Variants in DCBLD1 observed in about 807,000 individuals in gnomAD.
DCBLD1 encodes the protein discoidin, CUB and LCCL domain containing 1, also known as discoidin, CUB and LCCL domain-containing protein 1.
Under a neutral mutation model 71.5 loss-of-function variants are expected in DCBLD1, and 57 were observed. That is an observed-to-expected ratio of 0.80 (90% CI 0.64 to 0.99). The LOEUF (loss-of-function observed/expected upper bound fraction) is 0.99, where lower values mean the gene tolerates loss of function less well. Ranked by LOEUF, DCBLD1 falls within the 50% of genes least tolerant of loss-of-function variation. The pLI is 0.00. For missense variants in DCBLD1, 891 were observed against 923.5 expected (o/e 0.96, Z 0.46); for synonymous variants, 380 against 363.8 (o/e 1.04, Z -0.51).
At chr6:117,562,245 CTT>C (rs1346992527) in intron 14 of DCBLD1, 3 of 207,278 alleles carry the variant, frequency 1.4e-5, no homozygotes, top group Non-Finnish European at 2.9e-5. Context: ...ATCAAAATGT[CTT>C]TATCTCATCT....
intron 1 of DCBLD1, among the ~76,000 whole-genome samples, chr6:117,487,552 A>C (rs1324252298): frequency 6.6e-6 from 1 of 152,166 alleles, no homozygotes; most frequent in Non-Finnish European, 1.5e-5. Flanking sequence ...TGAGCCTGGG[A>C]GACAGTGGTT....
At chr6:117,502,891 T>C (rs928861420) in intron 1 of DCBLD1, among the ~76,000 whole-genome samples, 9 of 152,206 alleles carry the variant, frequency 5.9e-5, no homozygotes, top group African/African-American at 2.2e-4. Context: ...AACTTGTAGG[T>C]TAATAGGTGA....
intron 14 of DCBLD1, among the ~76,000 whole-genome samples, chr6:117,556,215 A>G (rs1202863669): frequency 6.6e-6 from 1 of 152,078 alleles, no homozygotes; most frequent in African/African-American, 2.4e-5. Context: ...TCCTTTTTTA[A>G]AATATATTTT....
At chr6:117,554,875 G>A (rs1278722314) in intron 14 of DCBLD1, among the ~76,000 whole-genome samples, 1 of 143,668 alleles carries the variant, frequency 7.0e-6, no homozygotes, top group African/African-American at 2.6e-5. Context: ...CCTGGCAACA[G>A]AGCGAGACTC....
intron 1 of DCBLD1, among the ~76,000 whole-genome samples, chr6:117,489,880 G>A (rs559819748): frequency 4.3e-4 from 66 of 152,108 alleles, no homozygotes; most frequent in African/African-American, 1.5e-3. Flanking sequence ...GCGAGACTCC[G>A]TCTCAAAAAA....
At chr6:117,506,567 T>G (rs1476754431) in intron 2 of DCBLD1, among the ~76,000 whole-genome samples, 1 of 152,224 alleles carries the variant, frequency 6.6e-6, no homozygotes, top group African/African-American at 2.4e-5. Flanking sequence ...TATTTTAACT[T>G]AGTTAAATAA....
chr6:117,491,328 T>C (rs1057352270), intron 1 of DCBLD1, among the ~76,000 whole-genome samples: 1 of 152,120 alleles, frequency 6.6e-6, no homozygotes, highest in Non-Finnish European at 1.5e-5. Context: ...TTTGCCCCCA[T>C]TCCGCCCACC....
intron 14 of DCBLD1, chr6:117,566,942 A>G (rs767345830): frequency 6.2e-7 from 1 of 1,612,244 alleles, no homozygotes; most frequent in South Asian, 1.1e-5. Flanking sequence ...ACAAACGGTA[A>G]CGATGTCCAC....
rs529419872 is a variant in DCBLD1 at position 117,515,952 on chromosome 6, A to G, written c.326-3864A>G. Among the ~76,000 whole-genome samples the G allele has an allele frequency of 9.8e-5, 15 of 152,318 alleles. No homozygotes were observed. The South Asian group carries it at 1.0e-3, about 11-fold the overall frequency. On this transcript the variant is annotated intron_variant, in intron 2 of 14. Coordinates refer to ENST00000338728, the MANE Select transcript of DCBLD1 (RefSeq NM_001366458.2). ...GATGGATATAAAAGTTCCTTGCACT[A>G]TGGAACACAGTCTGAAGAGAAAATA...
chr6:117,548,099 C>T lies in DCBLD1; in HGVS notation c.1808C>T (p.Pro603Leu). Reference sequence around the variant, plus strand: ...CCCCCGGAGCCCGAGTACGCCACGCCCATCGTGGAGCGGCACGTGCTGCGC... The same window carrying T: ...CCCCCGGAGCCCGAGTACGCCACGCTCATCGTGGAGCGGCACGTGCTGCGC... ...LAPPEPEYAT[P>L]IVERHVLRAH... Residue 603 changes from proline (P) to leucine (L), a missense_variant, in exon 15 of 15, where the codon CCC becomes CTC. By Grantham distance (98) the Pro-to-Leu change is moderately conservative (BLOSUM62 -3). Coordinates refer to ENST00000338728, the MANE Select transcript of DCBLD1 (RefSeq NM_001366458.2). The T allele has an allele frequency of 1.3e-6, 2 of 1,549,580 alleles. No individual in the cohort carries two copies. Among genetic ancestry groups the T allele is most frequent in the Admixed American group, 3.9e-5 (2 of 50,944 alleles).
intron 14 of DCBLD1, chr6:117,563,486 C>T (rs1681015544): frequency 1.8e-6 from 2 of 1,093,446 alleles, no homozygotes; most frequent in African/African-American, 1.6e-5. Context: ...CTTTGAGAGG[C>T]CAAGGTGGGT....
intron 1 of DCBLD1, among the ~76,000 whole-genome samples, chr6:117,498,910 T>C (rs1302924323): frequency 6.6e-6 from 1 of 152,170 alleles, no homozygotes; most frequent in Non-Finnish European, 1.5e-5. Flanking sequence ...ATTATCTATT[T>C]AAAAGATTTT....
intron 14 of DCBLD1, chr6:117,561,551 T>C (rs1278160343): frequency 4.7e-6 from 1 of 213,218 alleles, no homozygotes; most frequent in Admixed American, 5.9e-5. Flanking sequence ...AGGTATGTGT[T>C]TGGCATAGGG....
At chr6:117,564,746 G>A (rs1011454710) in intron 14 of DCBLD1, among the ~76,000 whole-genome samples, 5 of 152,134 alleles carry the variant, frequency 3.3e-5, no homozygotes, top group Admixed American at 6.6e-5. Flanking sequence ...TTCTAATCCC[G>A]ACAGAAAACA....
In DCBLD1 at chr6:117,491,912, T is replaced by C. The variant is rs115089187; in HGVS notation, c.112+9019T>C. ...TAAGCCCGAAATTTGACCTAAAGAC[T>C]CGATTAGATTCAGACTAAGTGTTTT... On this transcript the variant is annotated intron_variant, in intron 1 of 14. Coordinates refer to ENST00000338728, the MANE Select transcript of DCBLD1 (RefSeq NM_001366458.2). Among the ~76,000 whole-genome samples, 264 of 152,296 alleles carry C rather than the reference T, an allele frequency of 1.7e-3. 1 individual carries two copies. Among genetic ancestry groups the C allele is most frequent in the African/African-American group, 6.0e-3 (250 of 41,556 alleles).
At chr6:117,525,480 G>T in intron 5 of DCBLD1, 46 bp downstream of exon 5, 2 of 1,358,098 alleles carry the variant, frequency 1.5e-6, no homozygotes, top group Admixed American at 2.6e-5. Flanking sequence ...AAAGGAGTAA[G>T]TGCTTTACTC....
chr6:117,543,284 C>T, intron 12 of DCBLD1, 73 bp downstream of exon 12: 1 of 1,270,506 alleles, frequency 7.9e-7, no homozygotes, highest in East Asian at 2.3e-5. Flanking sequence ...GTTTATTCTT[C>T]AGAAATGCAT....
At chr6:117,483,075 G>T (rs1183234239) in intron 1 of DCBLD1, among the ~76,000 whole-genome samples, 182 bp downstream of exon 1, 3 of 152,066 alleles carry the variant, frequency 2.0e-5, no homozygotes, top group African/African-American at 7.2e-5. Context: ...CGCGGGGCTG[G>T]GGGTGAAGTA....
chr6:117,529,517 T>TA (rs1186530420), intron 5 of DCBLD1, among the ~76,000 whole-genome samples: 1 of 152,138 alleles, frequency 6.6e-6, no homozygotes, highest in Non-Finnish European at 1.5e-5. Context: ...CAGTGAGACT[T>TA]AGACTTCAAA....
Sources: gnomAD v4.1 joint callset for allele counts (sites outside exome capture counted in the v4.1 genomes callset) on GRCh38, gnomAD v4.1.1 for gene constraint, MANE v1.5 for transcripts, NCBI Gene and HGNC (gene_info 2026-07-23, HGNC 2026-07-21) for gene names.